The following ESRRG variants were observed in gnomAD, a reference collection of about 807,000 sequenced individuals.
ESRRG encodes estrogen-related receptor gamma.
Under a neutral mutation model 44.0 loss-of-function variants are expected in ESRRG, and 13 were observed. The observed-to-expected ratio is 0.30, with a 90% CI of 0.19 to 0.47. The LOEUF is 0.47. Among genes scored for constraint, ESRRG ranks in the 20% least tolerant of loss-of-function variants. The pLI is 1.00. For synonymous variants in ESRRG, 215 were observed against 214.6 expected, an observed-to-expected ratio of 1.00 and a Z score of -0.02; for missense variants, 395 against 580.6, an observed-to-expected ratio of 0.68 and a Z score of 3.29.
chr1:216,610,189 T>C (rs1183716902), intron 3 of ESRRG, among the ~76,000 whole-genome samples: 1 of 150,318 alleles, frequency 6.7e-6, no homozygotes, highest in Non-Finnish European at 1.5e-5. Context: ...AAAGTGTGGA[T>C]AATTGTACAA....
At chr1:216,980,100 T>G (rs964585142) in intron 1 of ESRRG, among the ~76,000 whole-genome samples, 4 of 152,214 alleles carry the variant, frequency 2.6e-5, no homozygotes, top group African/African-American at 9.6e-5. Context: ...TTTTATTTCA[T>G]GATGTCCATT....
intron 2 of ESRRG, among the ~76,000 whole-genome samples, chr1:216,782,621 T>G (rs1576503420): frequency 6.6e-6 from 1 of 152,046 alleles, no homozygotes; most frequent in Admixed American, 6.6e-5. Context: ...AAAGAACCTT[T>G]AATGAACTAG....
At chr1:216,657,029 A>C (rs2070785458) in intron 2 of ESRRG, among the ~76,000 whole-genome samples, 2 of 152,274 alleles carry the variant, frequency 1.3e-5, no homozygotes, top group South Asian at 2.1e-4. Context: ...AAACATAAAC[A>C]AGAAAGAAAG....
intron 1 of ESRRG, among the ~76,000 whole-genome samples, chr1:217,062,238 C>A (rs1223385130): frequency 1.3e-5 from 2 of 152,110 alleles, no homozygotes; most frequent in Non-Finnish European, 2.9e-5. Flanking sequence ...TTGCATGACA[C>A]TCTGGCACTC....
chr1:216,550,381 G>C (rs2055924844), intron 5 of ESRRG, among the ~76,000 whole-genome samples: 1 of 152,108 alleles, frequency 6.6e-6, no homozygotes, highest in African/African-American at 2.4e-5. Flanking sequence ...GACGAGGCCT[G>C]ATCATGTCTG....
chr1:216,568,031 G>C lies in ESRRG; in HGVS notation c.657C>G (p.Ser219Arg). The C allele has an allele frequency of 6.2e-7, 1 of 1,613,770 alleles. No homozygotes were observed. The highest frequency in any genetic ancestry group is 8.5e-7 in the Non-Finnish European group (1 of 1,179,726). ...GAACCAGCTGAGGGTTCAGGTATGGGCTGTTCTCCGCATCTATCCTGCGCT... is the reference window on the plus strand; with the variant it reads ...GAACCAGCTGAGGGTTCAGGTATGGCCTGTTCTCCGCATCTATCCTGCGCT... ...KYKRRIDAENSPYLNPQLVQP... is the reference protein window; with the variant it reads ...KYKRRIDAENRPYLNPQLVQP... Residue 219 changes from serine (S) to arginine (R), a missense_variant, in exon 4 of 7, where the codon AGC (serine) becomes AGG (arginine). This residue lies in a region of ESRRG where 37 missense variants were observed against 32.9 expected (regional missense o/e 1.13). Transcript: ENST00000408911.
At chr1:216,939,365 A>AAAAAAAAAAAAC (rs1560189110) in intron 2 of ESRRG, among the ~76,000 whole-genome samples, 8 of 139,764 alleles carry the variant, frequency 5.7e-5, no homozygotes, top group African/African-American at 2.1e-4. Flanking sequence ...AAAAAAAAAA[A>AAAAAAAAAAAAC]AAAAACACTT....
intron 3 of ESRRG, among the ~76,000 whole-genome samples, chr1:216,632,622 A>C (rs60627443): frequency 0.04 from 6,052 of 152,258 alleles, 314 homozygotes; most frequent in East Asian, 0.22. Flanking sequence ...GAAGGATTAA[A>C]ATTTAAAACA....
intron 2 of ESRRG, among the ~76,000 whole-genome samples, chr1:216,790,340 C>T (rs1219718767): frequency 1.3e-5 from 2 of 152,162 alleles, no homozygotes; most frequent in African/African-American, 4.8e-5. Flanking sequence ...TCTTTTGAGC[C>T]CATTCCCCAT....
chr1:216,642,881 TTAAC>T (rs139218052), intron 3 of ESRRG, among the ~76,000 whole-genome samples: 25,275 of 152,088 alleles, frequency 0.17, 2,336 homozygotes, highest in Middle Eastern at 0.26. Context: ...AGTAGGCTCT[TTAAC>T]TAAGCAAAAA....
chr1:216,974,865 C>T (rs891273071), intron 1 of ESRRG, among the ~76,000 whole-genome samples: 10 of 151,690 alleles, frequency 6.6e-5, no homozygotes, highest in South Asian at 6.2e-4. Flanking sequence ...GGTTACACTT[C>T]CTTTTGTGCT....
chr1:216,757,789 C>G (rs2092544128), intron 2 of ESRRG, among the ~76,000 whole-genome samples: 1 of 151,802 alleles, frequency 6.6e-6, no homozygotes, highest in Non-Finnish European at 1.5e-5. Context: ...GATATCTGTA[C>G]ACAGTTCTGT....
At chr1:216,711,224 G>T (rs996125571) in intron 1 of ESRRG, among the ~76,000 whole-genome samples, 5 of 152,164 alleles carry the variant, frequency 3.3e-5, no homozygotes, top group African/African-American at 1.2e-4. Context: ...CTGCACATCT[G>T]GGGGTCAAAT....
At chr1:216,691,156 T>C (rs2078983787) in intron 1 of ESRRG, among the ~76,000 whole-genome samples, 1 of 152,164 alleles carries the variant, frequency 6.6e-6, no homozygotes, top group Admixed American at 6.5e-5. Flanking sequence ...TCCTTTGGTT[T>C]GGCTTTGGCA....
chr1:216,552,615 G>A (rs763177765), intron 5 of ESRRG, among the ~76,000 whole-genome samples: 1 of 152,112 alleles, frequency 6.6e-6, no homozygotes, highest in Non-Finnish European at 1.5e-5. Flanking sequence ...CTGAGTTCAT[G>A]GGATGTGGCA....
intron 2 of ESRRG, among the ~76,000 whole-genome samples, chr1:216,656,953 A>G (rs544420938): frequency 1.3e-5 from 2 of 152,308 alleles, no homozygotes; most frequent in South Asian, 4.1e-4. Context: ...TTGCCTCAGT[A>G]CACAATTACA....
rs569034761 is a variant in ESRRG, at chr1:216,765,132, C to T, written c.-13-87641G>A. Among the ~76,000 whole-genome samples, 168 of 152,206 alleles carry T rather than the reference C, an allele frequency of 1.1e-3. 1 individual carries two copies. Among genetic ancestry groups the T allele is most frequent in the African/African-American group, 3.9e-3 (164 of 41,544 alleles). ...TGGAAGTGAGAAAACCCAGGAGCCC[C>T]ATTACCAATATTTGTCTTATTTAAG... is the stretch of plus-strand genomic sequence containing the variant. On this transcript the variant is annotated intron_variant, in intron 2 of 7. Transcript: ENST00000359162.
At chr1:217,032,297 A>G (rs565690655) in intron 1 of ESRRG, among the ~76,000 whole-genome samples, 3 of 152,146 alleles carry the variant, frequency 2.0e-5, no homozygotes, top group Non-Finnish European at 4.4e-5. Context: ...ATGATTTTGG[A>G]TCAGATCCCT....
chr1:216,953,699 A>C (rs991241196), intron 1 of ESRRG, among the ~76,000 whole-genome samples: 2 of 152,120 alleles, frequency 1.3e-5, no homozygotes, highest in Non-Finnish European at 2.9e-5. Context: ...GTTATCTCTG[A>C]AAGGACGTGA....
Sources: gnomAD v4.1 joint callset for allele counts (sites outside exome capture counted in the v4.1 genomes callset) on GRCh38, gnomAD v4.1.1 for gene constraint, gnomAD v4.1.1 regional missense constraint, MANE v1.5 for transcripts, NCBI Gene and HGNC (gene_info 2026-07-23, HGNC 2026-07-21) for gene names.